Variants in UNC93B1 observed in about 807,000 individuals in gnomAD.
The protein encoded by UNC93B1 is protein unc-93 homolog B1.
In UNC93B1, 33 loss-of-function variants were observed where a neutral mutation model predicts 56.8. That is an observed-to-expected ratio of 0.58 (90% CI 0.44 to 0.78). UNC93B1 has a LOEUF of 0.78. UNC93B1 is among the 30% of genes least tolerant of loss of function. The probability of loss-of-function intolerance (pLI) is 0.00; values close to 1 mark genes in which losing one functional copy is unlikely to be tolerated. For missense variants in UNC93B1, 673 were observed against 819.5 expected (o/e 0.82, Z 2.18); for synonymous variants, 334 against 358.6 (o/e 0.93, Z 0.77).
intron 7 of UNC93B1, 123 bp from the exon 8 acceptor site, chr11:67,996,907 C>G (rs1291165572): frequency 8.2e-7 from 1 of 1,221,476 alleles, no homozygotes; most frequent in East Asian, 2.8e-5. Context: ...GCCTCCCAAA[C>G]CAGGGCCCCG....
chr11:67,992,496 G>C (rs1438596602), intron 10 of UNC93B1, among the ~76,000 whole-genome samples: 1 of 151,718 alleles, frequency 6.6e-6, no homozygotes, highest in Non-Finnish European at 1.5e-5. Flanking sequence ...ACGCCACTAC[G>C]CCCAGCTATT....
intron 8 of UNC93B1, 128 bp downstream of exon 8, chr11:67,996,474 G>T: frequency 7.9e-7 from 1 of 1,266,258 alleles, no homozygotes; most frequent in South Asian, 1.7e-5. Flanking sequence ...GAAAGCAGGA[G>T]GGGGATATTT....
At position 68,003,583 on chromosome 11, in the gene UNC93B1, C is replaced by T; in HGVS notation, c.238+74G>A. ...GGAAGTGAGAGCGGGCGGGAGGCGG[C>T]GGCCCGCGGTTTCTGTTTCCCGGGC... On this transcript the variant is annotated intron_variant, in intron 2 of 10. Transcript: ENST00000227471. This position sits in a 1 kb window ranked among gnomAD's most constrained non-coding sequence, Gnocchi z 4.4. 9.5e-6 allele frequency: 14 copies of T among 1,469,188 alleles called. No individual in the cohort carries two copies. The highest frequency in any genetic ancestry group is 1.2e-5 in the Non-Finnish European group (13 of 1,113,326). The allele number at this position is 1,469,188 out of a possible 1,614,324, so 91.0% of individuals were successfully genotyped here.
rs1856966906 is a variant in UNC93B1, at chr11:67,997,413, C to A, written c.906+262G>T. ...CTCCAGCTCGAAACTGTGGACCAAGCCTGTTCCCTCCTTCCCCTGGCCTCT... is the reference window on the plus strand; with the variant it reads ...CTCCAGCTCGAAACTGTGGACCAAGACTGTTCCCTCCTTCCCCTGGCCTCT... On this transcript the variant is annotated intron_variant, in intron 7 of 10. Transcript: ENST00000227471. 6 of 559,098 alleles carry A rather than the reference C, an allele frequency of 1.1e-5. No individual in the cohort carries two copies. The South Asian group carries it at 1.3e-4, about 12-fold the overall frequency. The allele number at this position is 559,098 out of a possible 1,614,324, so 34.6% of individuals were successfully genotyped here. A position where few individuals can be genotyped will look rare whatever the true frequency, so the allele number is the denominator to read the frequency against.
Position 67,997,679 on chromosome 11 carries a change from A to T in UNC93B1, c.902T>A (p.Leu301Gln), listed in dbSNP as rs1856971657. The change falls in exon 7 of 11, where the codon CTG becomes CAG. Residue 301 changes from leucine to glutamine, a missense_variant. Physicochemically the swap from Leu to Gln is moderately radical, Grantham distance 113. Around this residue, in one of 3 missense-constraint regions of UNC93B1, gnomAD observed 438 missense variants for 465.9 expected, o/e 0.94. Coordinates refer to ENST00000227471, the MANE Select transcript of UNC93B1 (RefSeq NM_030930.4). ...VLMAVAFLAM[L>Q]LVLGLCGAAY... ...TGCCCCCATCCCGGGCCGCACCAGC[A>T]GCATGGCCAGGAAGGCCACTGCCAT... The T allele has an allele frequency of 6.2e-7, 1 of 1,603,840 alleles. No homozygotes were observed. The highest frequency in any genetic ancestry group is 8.5e-7 in the Non-Finnish European group (1 of 1,179,834).
In UNC93B1 at chr11:67,997,774, G is replaced by A. The variant is rs777240820; in HGVS notation, c.807C>T (p.Ser269=). Residue 269 remains serine (S), a synonymous_variant, in exon 7 of 11, where the codon AGC becomes AGT. Coordinates refer to ENST00000227471, the MANE Select transcript of UNC93B1 (RefSeq NM_030930.4). Reference sequence around the variant, plus strand: ...TCCGCAGAACCGTCTTGTTGAAGCCGCTGAGGATCCCGTGGCTGTTGGTGC... The same window carrying A: ...TCCGCAGAACCGTCTTGTTGAAGCCACTGAGGATCCCGTGGCTGTTGGTGC... ...SCGTNSHGIL[S]GFNKTVLRTL... is the part of the protein sequence containing the mutation. 21 of 1,609,444 alleles carry A rather than the reference G, an allele frequency of 1.3e-5. No homozygotes were observed. Among genetic ancestry groups the A allele is most frequent in the Middle Eastern group, 3.3e-4 (2 of 6,040 alleles).
chr11:68,000,606 C>T (rs898160254), intron 3 of UNC93B1, among the ~76,000 whole-genome samples: 6 of 151,788 alleles, frequency 4.0e-5, no homozygotes, highest in African/African-American at 4.8e-5. Flanking sequence ...TGGAGGTTGC[C>T]GTGAGCTGAG....
rs1373528397 is a variant in UNC93B1, at chr11:67,991,168, G to A, written c.*378C>T. 4.6e-6 allele frequency: 1 copy of A among 216,428 alleles called. No homozygotes were observed. The highest frequency in any genetic ancestry group is 5.9e-5 in the Admixed American group (1 of 17,032). 13.4% of individuals were successfully genotyped at this position (216,428 alleles called of 1,614,324 possible). On this transcript the variant is annotated 3_prime_UTR_variant, in exon 11 of 11. Transcript: ENST00000227471. ...AATCGTGGCTCTCGGCGGACCCTGG[G>A]GATAGGAGGTGCAAAGTGCGCTCAC...
intron 3 of UNC93B1, among the ~76,000 whole-genome samples, chr11:68,001,251 GA>G (rs1171256205): frequency 1.3e-5 from 2 of 152,096 alleles, no homozygotes; most frequent in African/African-American, 4.8e-5. Flanking sequence ...GCAGACAGGA[GA>G]CAAGAGTTCA....
At chr11:67,994,117 T>C (rs1354111152) in intron 9 of UNC93B1, among the ~76,000 whole-genome samples, 1 of 152,216 alleles carries the variant, frequency 6.6e-6, no homozygotes, top group Non-Finnish European at 1.5e-5. Context: ...AGGTGTGCAG[T>C]GCCAAGCTTG....
Position 67,997,759 on chromosome 11 carries a change from C to G in UNC93B1, c.822G>C (p.Thr274=), listed in dbSNP as rs761157003. 8.1e-6 allele frequency: 13 copies of G among 1,610,282 alleles called. No individual in the cohort carries two copies. The highest frequency in any genetic ancestry group is 9.3e-6 in the Non-Finnish European group (11 of 1,179,828). ...CGCTCCGCGGGAGCGTCCGCAGAAC[C>G]GTCTTGTTGAAGCCGCTGAGGATCC... ...SHGILSGFNK[T]VLRTLPRSGN... Residue 274 remains threonine, a synonymous_variant, in exon 7 of 11, where the codon ACG becomes ACC. Coordinates refer to ENST00000227471, the MANE Select transcript of UNC93B1 (RefSeq NM_030930.4).
chr11:67,999,819 T>C (rs1220100339), intron 3 of UNC93B1, 139 bp from the exon 4 acceptor site: 31 of 1,210,310 alleles, frequency 2.6e-5, no homozygotes, highest in Non-Finnish European at 3.4e-5. Flanking sequence ...AGATGGAATA[T>C]CAGATACACA....
At chr11:67,993,173 G>C (rs1856877528) in intron 10 of UNC93B1, among the ~76,000 whole-genome samples, 1 of 151,916 alleles carries the variant, frequency 6.6e-6, no homozygotes, top group Admixed American at 6.6e-5. Flanking sequence ...ATTTTTAGTA[G>C]AGACGAGGTT....
intron 3 of UNC93B1, among the ~76,000 whole-genome samples, chr11:68,001,040 C>T (rs992028298): frequency 1.3e-5 from 2 of 151,710 alleles, no homozygotes; most frequent in Non-Finnish European, 2.9e-5. Flanking sequence ...ACTAAAAATA[C>T]AAAAAATTAG....
Position 68,004,071 on chromosome 11 carries a change from G to A in UNC93B1, c.-28C>T. On this transcript the variant is annotated 5_prime_UTR_variant, in exon 1 of 11. Transcript: ENST00000227471. ...CCCGAACTACTGCGGACTCGCGGCG[G>A]TCGCCCCGGAGTCCCTGCGACCGCC... The A allele has an allele frequency of 7.6e-7, 1 of 1,319,346 alleles. No individual in the cohort carries two copies. Among genetic ancestry groups the A allele is most frequent in the Non-Finnish European group, 9.7e-7 (1 of 1,032,386 alleles). The allele number at this position is 1,319,346 out of a possible 1,614,324, so 81.7% of individuals were successfully genotyped here.
At chr11:68,002,575 G>T (rs1446601843) in intron 3 of UNC93B1, among the ~76,000 whole-genome samples, 4 of 152,098 alleles carry the variant, frequency 2.6e-5, no homozygotes, top group Non-Finnish European at 4.4e-5. Flanking sequence ...AGAGCTCTGG[G>T]GCACCTGCCC....
chr11:67,998,533 A>G, intron 5 of UNC93B1, 81 bp from the exon 6 acceptor site: 1 of 1,433,348 alleles, frequency 7.0e-7, no homozygotes, highest in Non-Finnish European at 9.8e-7. Flanking sequence ...GGAGGGGTCC[A>G]GGCACAGCCT....
chr11:67,994,838 C>T (rs1856908690), intron 9 of UNC93B1, among the ~76,000 whole-genome samples: 1 of 152,252 alleles, frequency 6.6e-6, no homozygotes, highest in Non-Finnish European at 1.5e-5. Context: ...AGCTTCGGCC[C>T]ATCAGAACAG....
In UNC93B1 at chr11:67,995,412, G is replaced by T. The variant is rs1384508538; in HGVS notation, c.1363+199C>A. Among the ~76,000 whole-genome samples the T allele has an allele frequency of 2.1e-4, 32 of 151,998 alleles. 1 individual carries two copies. The highest frequency in any genetic ancestry group is 4.1e-4 in the South Asian group (2 of 4,820). The stretch of plus-strand genomic sequence containing the variant: ...TCCACACCCTACCCATCTGTCCCCA[G>T]TGTGTCCATAAGACTTCCCTTCCAC... On this transcript the variant is annotated intron_variant, in intron 9 of 10. Transcript: ENST00000227471.
Sources: allele counts gnomAD v4.1 joint callset (sites outside exome capture counted in the v4.1 genomes callset), GRCh38; gene constraint gnomAD v4.1.1; regional missense constraint gnomAD v4.1.1; non-coding constraint Gnocchi (gnomAD v3.1); transcripts MANE v1.5; gene names NCBI Gene and HGNC (gene_info 2026-07-23, HGNC 2026-07-21).